The following TP73 variants were observed in gnomAD, a reference collection of about 807,000 sequenced individuals.
The protein encoded by TP73 is p53-like transcription factor.
In TP73, 25 loss-of-function variants were observed where a neutral mutation model predicts 62.5. That is an observed-to-expected ratio of 0.40 (90% CI 0.29 to 0.56). The LOEUF (loss-of-function observed/expected upper bound fraction) is 0.56. TP73 is among the 20% of genes least tolerant of loss of function. TP73 has a pLI of 0.46. For missense variants in TP73, 754 were observed against 913.3 expected, an observed-to-expected ratio of 0.83 and a Z score of 2.25; for synonymous variants, 423 against 377.5, an observed-to-expected ratio of 1.12 and a Z score of -1.40.
chr1:3,703,231 C>T (rs1311393385), intron 3 of TP73, among the ~76,000 whole-genome samples: 2 of 152,166 alleles, frequency 1.3e-5, no homozygotes, highest in East Asian at 1.9e-4. Flanking sequence ...GAGAGAGGTC[C>T]CCTGGAAGCA....
intron 4 of TP73, 48 bp downstream of exon 4, chr1:3,707,839 G>A (rs1639802370): frequency 4.4e-6 from 7 of 1,584,432 alleles, no homozygotes; most frequent in Non-Finnish European, 5.1e-6. Context: ...GCTGCGGGCT[G>A]GAGAGGAGGT....
Position 3,683,105 on chromosome 1 carries a change from G to T in TP73, c.111G>T (p.Gly37=), listed in dbSNP as rs748164046. The change falls in exon 3 of 14, where the codon GGG becomes GGT. Residue 37 remains glycine, a synonymous_variant. Transcript: ENST00000378295. Reference sequence around the variant, plus strand: ...TCGACCTTCCCCAGTCAAGCCGGGGGAATAATGAGGTGGTGGGCGGAACGG... The same window carrying T: ...TCGACCTTCCCCAGTCAAGCCGGGGTAATAATGAGGTGGTGGGCGGAACGG... ...TYFDLPQSSR[G]NNEVVGGTDS... The T allele has an allele frequency of 6.2e-7, 1 of 1,612,398 alleles. No individual in the cohort carries two copies. The highest frequency in any genetic ancestry group is 1.3e-5 in the African/African-American group (1 of 74,922).
intron 3 of TP73, among the ~76,000 whole-genome samples, chr1:3,687,545 C>G (rs929804689): frequency 6.6e-6 from 1 of 151,128 alleles, no homozygotes; most frequent in African/African-American, 2.4e-5. Flanking sequence ...GCGCTAGCGT[C>G]CCCTCGGACA....
chr1:3,731,619 C>A (rs1485146504), intron 13 of TP73, 63 bp downstream of exon 13: 4 of 1,446,464 alleles, frequency 2.8e-6, no homozygotes, highest in African/African-American at 1.4e-5. Context: ...GTCCGGAGGG[C>A]AAAGAGCCTT....
At chr1:3,659,121 C>T (rs1231602845) in intron 1 of TP73, 1 of 151,360 alleles carries the variant, frequency 6.6e-6, no homozygotes, top group Non-Finnish European at 1.5e-5. Flanking sequence ...GGTACAGAAA[C>T]TGGGTGGGTG....
intron 6 of TP73, among the ~76,000 whole-genome samples, chr1:3,724,849 T>C (rs1885868): frequency 0.044 from 6,742 of 152,266 alleles, 273 homozygotes; most frequent in East Asian, 0.23. Flanking sequence ...CGAAACCCTG[T>C]CTGTACTAAA....
intron 6 of TP73, among the ~76,000 whole-genome samples, chr1:3,724,123 T>C (rs1232176314): frequency 1.3e-5 from 2 of 151,626 alleles, no homozygotes; most frequent in African/African-American, 4.8e-5. Flanking sequence ...AAAGGCAGCA[T>C]AAGTTTCTGG....
chr1:3,690,323 AGGTGCGCCCCACCTG>A (rs1645780334), intron 3 of TP73, among the ~76,000 whole-genome samples: 1 of 151,856 alleles, frequency 6.6e-6, no homozygotes, highest in South Asian at 2.1e-4. Flanking sequence ...CGCAGGGGGC[AGGTGCGCCCCACCTG>A]GGTGCCAAGG....
intron 3 of TP73, among the ~76,000 whole-genome samples, chr1:3,687,625 A>G (rs78030280): frequency 0.1 from 15,265 of 152,190 alleles, 1,042 homozygotes; most frequent in Admixed American, 0.18. Context: ...GAGGGAGGAC[A>G]CAGGAGGGGA....
chr1:3,715,403 C>T (rs1254004103), intron 4 of TP73, among the ~76,000 whole-genome samples: 1 of 152,174 alleles, frequency 6.6e-6, no homozygotes, highest in Non-Finnish European at 1.5e-5. Context: ...GACCCCGACC[C>T]CAGGCCCCAG....
At chr1:3,686,338 C>T (rs1354146446) in intron 3 of TP73, among the ~76,000 whole-genome samples, 3 of 152,222 alleles carry the variant, frequency 2.0e-5, no homozygotes, top group East Asian at 3.8e-4. Flanking sequence ...TGCTTAGCAG[C>T]CGTGGGAGAC....
chr1:3,663,829 G>A lies in TP73; in HGVS notation c.-34+11188G>A, dbSNP rs12097936. Among the ~76,000 whole-genome samples the A allele has an allele frequency of 0.011, 1,703 of 152,308 alleles. 34 individuals carry two copies. The highest frequency in any genetic ancestry group is 0.038 in the African/African-American group (1,595 of 41,554). ...GGGTCTGTGACCTAATTCAGAGGAAGGCCAGAGAACTCTTTTATGGCCTGC... is the reference window on the plus strand; with the variant it reads ...GGGTCTGTGACCTAATTCAGAGGAAAGCCAGAGAACTCTTTTATGGCCTGC... On this transcript the variant is annotated intron_variant, in intron 1 of 13. Transcript: ENST00000378295. The surrounding 1 kb of genome is among the most constrained non-coding windows in gnomAD (Gnocchi z 4.7).
intron 3 of TP73, among the ~76,000 whole-genome samples, chr1:3,697,751 G>A (rs1468912056): frequency 2.0e-5 from 3 of 152,224 alleles, no homozygotes; most frequent in African/African-American, 7.2e-5. Flanking sequence ...GGGACCATCC[G>A]TCACTCCTGA....
At chr1:3,722,920 C>T (rs957138916) in intron 5 of TP73, among the ~76,000 whole-genome samples, 2 of 147,916 alleles carry the variant, frequency 1.4e-5, no homozygotes, top group Non-Finnish European at 1.5e-5. Flanking sequence ...GGAGTGGGCA[C>T]CTCTCTGCAC....
intron 7 of TP73, 159 bp from the exon 8 acceptor site, chr1:3,727,469 A>G: frequency 4.4e-6 from 5 of 1,128,768 alleles, no homozygotes; most frequent in Non-Finnish European, 6.2e-6. Flanking sequence ...TGAGCCTCTG[A>G]CTCCCTCTAG....
At chr1:3,669,254 AC>A (rs1011924738) in intron 1 of TP73, among the ~76,000 whole-genome samples, 1 of 152,038 alleles carries the variant, frequency 6.6e-6, no homozygotes, top group African/African-American at 2.4e-5. Context: ...CCGGGGGCCC[AC>A]CCTGGGGTGC....
chr1:3,699,988 C>T lies in TP73; in HGVS notation c.187-7561C>T, dbSNP rs769816172. Among the ~76,000 whole-genome samples, 36 of 152,206 alleles carry T rather than the reference C, an allele frequency of 2.4e-4. No individual in the cohort carries two copies. Among genetic ancestry groups the T allele is most frequent in the Non-Finnish European group, 4.7e-4 (32 of 67,976 alleles). ...CCGCCAAGCCCAGGGCCCCAGGAAG[C>T]GGCCCCATCCTTGGGAGCTGTCCTG... On this transcript the variant is annotated intron_variant, in intron 3 of 13. Coordinates refer to ENST00000378295, the MANE Select transcript of TP73 (RefSeq NM_005427.4). The surrounding 1 kb of genome is among the most constrained non-coding windows in gnomAD (Gnocchi z 4.1).
Position 3,730,958 on chromosome 1 carries a change from A to T in TP73, c.1377A>T (p.Ala459=). ...GPGMLNNHGH[A]VPANGEMSSS... ...GGATGCTCAACAACCATGGCCACGC[A>T]GTGCCAGCCAACGGCGAGATGAGCA... Residue 459 remains alanine, a synonymous_variant, in exon 12 of 14, where the codon GCA becomes GCT. Coordinates refer to ENST00000378295, the MANE Select transcript of TP73 (RefSeq NM_005427.4). The T allele has an allele frequency of 6.2e-7, 1 of 1,611,110 alleles. No individual in the cohort carries two copies. Among genetic ancestry groups the T allele is most frequent in the Non-Finnish European group, 8.5e-7 (1 of 1,179,318 alleles).
intron 3 of TP73, among the ~76,000 whole-genome samples, chr1:3,697,498 G>A (rs1638773907): frequency 6.6e-6 from 1 of 152,190 alleles, no homozygotes; most frequent in African/African-American, 2.4e-5. Context: ...GCCCGTCCTT[G>A]CCTGGACGCC....
Sources: allele counts gnomAD v4.1 joint callset (sites outside exome capture counted in the v4.1 genomes callset), GRCh38; gene constraint gnomAD v4.1.1; non-coding constraint Gnocchi (gnomAD v3.1); transcripts MANE v1.5; gene names NCBI Gene and HGNC (gene_info 2026-07-23, HGNC 2026-07-21).